The following AFAP1 variants were observed in gnomAD, a reference collection of about 807,000 sequenced individuals.
AFAP1 encodes the protein actin filament associated protein 1, also known as actin filament-associated protein 1.
In AFAP1, 75 loss-of-function variants were observed where a neutral mutation model predicts 93.9. The ratio of observed to expected loss-of-function variants is 0.80; its 90% CI spans 0.66 to 0.97. AFAP1 has a LOEUF of 0.97. Among genes scored for constraint, AFAP1 ranks in the 50% least tolerant of loss-of-function variants. The probability of loss-of-function intolerance (pLI) is 0.00; values close to 1 mark genes in which losing one functional copy is unlikely to be tolerated. For synonymous variants in AFAP1, 517 were observed against 430.7 expected, an observed-to-expected ratio of 1.20 and a Z score of -2.48; for missense variants, 1,201 against 1,050.8, an observed-to-expected ratio of 1.14 and a Z score of -1.98.
intron 1 of AFAP1, among the ~76,000 whole-genome samples, chr4:7,899,925 T>C (rs1379515892): frequency 6.8e-6 from 1 of 146,304 alleles, no homozygotes; most frequent in African/African-American, 2.5e-5. Context: ...GAATGAGAAG[T>C]GTATCAGTGA....
At chr4:7,794,312 T>C (rs1008807987) in intron 10 of AFAP1, among the ~76,000 whole-genome samples, 1 of 152,128 alleles carries the variant, frequency 6.6e-6, no homozygotes, top group Non-Finnish European at 1.5e-5. Flanking sequence ...GAAATGGTCA[T>C]TTAGTTTCTT....
intron 1 of AFAP1, among the ~76,000 whole-genome samples, chr4:7,904,361 C>A (rs1166280471): frequency 6.6e-6 from 1 of 152,162 alleles, no homozygotes; most frequent in Non-Finnish European, 1.5e-5. Context: ...ATACTTTCTC[C>A]ATCACACTAT....
At chr4:7,813,270 T>TAA (rs959350825) in intron 8 of AFAP1, among the ~76,000 whole-genome samples, 1 of 152,216 alleles carries the variant, frequency 6.6e-6, no homozygotes, top group Non-Finnish European at 1.5e-5. Context: ...GAGGCAAGGA[T>TAA]AAAAGCTAAG....
intron 11 of AFAP1, among the ~76,000 whole-genome samples, chr4:7,787,324 T>C (rs80086551): frequency 0.2 from 29,743 of 152,250 alleles, 3,717 homozygotes; most frequent in African/African-American, 0.35. Context: ...TTCTGAACTG[T>C]GTCCTTTCAT....
intron 9 of AFAP1, among the ~76,000 whole-genome samples, chr4:7,801,395 G>C (rs1252960118): frequency 2.0e-5 from 3 of 151,890 alleles, no homozygotes; most frequent in African/African-American, 7.3e-5. Flanking sequence ...CACAGATAGA[G>C]GAGTGGTAGA....
intron 1 of AFAP1, among the ~76,000 whole-genome samples, chr4:7,934,721 C>T (rs1721280602): frequency 6.6e-6 from 1 of 152,178 alleles, no homozygotes; most frequent in African/African-American, 2.4e-5. Flanking sequence ...CACTGTGATG[C>T]TGCTGCTGGA....
chr4:7,870,045 T>C (rs1006408946), intron 2 of AFAP1, among the ~76,000 whole-genome samples: 1 of 152,206 alleles, frequency 6.6e-6, no homozygotes, highest in Non-Finnish European at 1.5e-5. Flanking sequence ...ACGTGTTTAC[T>C]ATGCATCAGG....
At chr4:7,922,621 C>G (rs1007824604) in intron 1 of AFAP1, among the ~76,000 whole-genome samples, 3 of 152,232 alleles carry the variant, frequency 2.0e-5, no homozygotes, top group African/African-American at 7.2e-5. Flanking sequence ...GAAACCCAAA[C>G]TTGCATATCA....
Position 7,848,078 on chromosome 4 carries a change from CGGAAGGAGGGAG to C in AFAP1, c.335-4740_335-4729del, listed in dbSNP as rs1291341612. On this transcript the variant is annotated intron_variant, in intron 4 of 17. Coordinates refer to ENST00000420658, the MANE Select transcript of AFAP1 (RefSeq NM_001134647.2). Reference sequence around the variant, plus strand: ...ACAGGTGGATGGGTGAGTGGGTGGACGGAAGGAGGGAGGGAAGGAAAGAAGGAAGGAAGGAAG... The same window carrying C: ...ACAGGTGGATGGGTGAGTGGGTGGACGGAAGGAAAGAAGGAAGGAAGGAAG... Among the ~76,000 whole-genome samples the C allele has an allele frequency of 3.8e-5, 4 of 105,938 alleles. No individual in the cohort carries two copies. The East Asian group carries it at 6.9e-4, about 18-fold the overall frequency. The allele number at this position is 105,938 out of a possible 152,430, so 69.5% of individuals were successfully genotyped here. A position where few individuals can be genotyped will look rare whatever the true frequency, so the allele number is the denominator to read the frequency against.
At chr4:7,765,654 A>C (rs998126092) in intron 17 of AFAP1, among the ~76,000 whole-genome samples, 2 of 152,224 alleles carry the variant, frequency 1.3e-5, no homozygotes, top group Non-Finnish European at 1.5e-5. Flanking sequence ...AAAAGAGCAG[A>C]CCCAGGTCAG....
intron 1 of AFAP1, among the ~76,000 whole-genome samples, chr4:7,935,479 TA>T (rs1420734785): frequency 6.6e-6 from 1 of 151,860 alleles, no homozygotes; most frequent in Non-Finnish European, 1.5e-5. Flanking sequence ...ATAAAAACAT[TA>T]AAATGAAAAA....
chr4:7,822,210 G>A (rs1161229651), intron 6 of AFAP1, among the ~76,000 whole-genome samples: 4 of 152,092 alleles, frequency 2.6e-5, no homozygotes, highest in Non-Finnish European at 5.9e-5. Context: ...ACCCACCTGG[G>A]TTTAAACCCC....
At chr4:7,788,867 T>G (rs536920646) in intron 11 of AFAP1, 15 of 152,436 alleles carry the variant, frequency 9.8e-5, no homozygotes, top group African/African-American at 3.6e-4. Context: ...CTCACGGGCT[T>G]GCATCTTCAG....
chr4:7,793,846 G>A lies in AFAP1; in HGVS notation c.1267-20C>T. ...AGATGCCTGTTGAAGTGGGAAAAAA[G>A]GTAGGCTGTATTTAACTAAAGATTT... is the stretch of plus-strand genomic sequence containing the variant. On this transcript the variant is annotated intron_variant, in intron 10 of 17. Transcript: ENST00000420658. 3 of 1,509,494 alleles carry A rather than the reference G, an allele frequency of 2.0e-6. No individual in the cohort carries two copies. The highest frequency in any genetic ancestry group is 2.7e-6 in the Non-Finnish European group (3 of 1,113,166). 93.5% of individuals were successfully genotyped at this position (1,509,494 alleles called of 1,614,324 possible). A position where few individuals can be genotyped will look rare whatever the true frequency, so the allele number is the denominator to read the frequency against.
At chr4:7,796,023 G>A (rs1474197915) in intron 10 of AFAP1, among the ~76,000 whole-genome samples, 3 of 152,092 alleles carry the variant, frequency 2.0e-5, no homozygotes, top group Non-Finnish European at 4.4e-5. Flanking sequence ...ATATACACTT[G>A]TAAGTATCTG....
At chr4:7,895,442 G>A (rs1383203427) in intron 1 of AFAP1, among the ~76,000 whole-genome samples, 2 of 152,056 alleles carry the variant, frequency 1.3e-5, no homozygotes, top group African/African-American at 4.8e-5. Flanking sequence ...TTTAAAGAGC[G>A]GTTATGAGGA....
At chr4:7,866,098 T>C (rs568804300) in intron 3 of AFAP1, among the ~76,000 whole-genome samples, 1 of 152,214 alleles carries the variant, frequency 6.6e-6, no homozygotes, top group African/African-American at 2.4e-5. Flanking sequence ...GGTTTCACCA[T>C]GGTGGCCAGG....
Position 7,759,033 on chromosome 4 carries a change from G to C in AFAP1, c.*4732C>G, listed in dbSNP as rs1263934974. The C allele has an allele frequency of 6.6e-6, 1 of 152,538 alleles. No individual in the cohort carries two copies. Among genetic ancestry groups the C allele is most frequent in the African/African-American group, 2.4e-5 (1 of 41,414 alleles). The allele number at this position is 152,538 out of a possible 1,614,324, so 9.4% of individuals were successfully genotyped here. A position where few individuals can be genotyped will look rare whatever the true frequency, so the allele number is the denominator to read the frequency against. Reference sequence around the variant, plus strand: ...TTCTTTCAAAGAGAATTTTAAATATGACTTTAGCTTTTAAAAAATACAATA... The same window carrying C: ...TTCTTTCAAAGAGAATTTTAAATATCACTTTAGCTTTTAAAAAATACAATA... On this transcript the variant is annotated 3_prime_UTR_variant, in exon 18 of 18. Coordinates refer to ENST00000420658, the MANE Select transcript of AFAP1 (RefSeq NM_001134647.2).
intron 8 of AFAP1, among the ~76,000 whole-genome samples, chr4:7,810,293 G>A (rs1719895254): frequency 6.6e-6 from 1 of 152,250 alleles, no homozygotes; most frequent in Admixed American, 6.5e-5. Context: ...CTAAGATAGG[G>A]TTATGTGGAA....
Sources: gnomAD v4.1 joint callset for allele counts (sites outside exome capture counted in the v4.1 genomes callset) on GRCh38, gnomAD v4.1.1 for gene constraint, MANE v1.5 for transcripts, NCBI Gene and HGNC (gene_info 2026-07-23, HGNC 2026-07-21) for gene names.